Variants in PARD3B observed in about 807,000 individuals in gnomAD.
PARD3B encodes partitioning defective 3 homolog B.
PARD3B carries 103 observed loss-of-function variants against 130.2 expected under a neutral mutation model. The observed-to-expected ratio is 0.79, with a 90% CI of 0.67 to 0.93. PARD3B has a LOEUF of 0.93. Among genes scored for constraint, PARD3B ranks in the 40% least tolerant of loss-of-function variants. The pLI, the probability that PARD3B is intolerant of heterozygous loss-of-function variation, is 0.00. For missense variants in PARD3B, 1,609 were observed against 1,499.2 expected (o/e 1.07, Z -1.21); for synonymous variants, 583 against 553.2 (o/e 1.05, Z -0.76).
In PARD3B at chr2:205,152,871, G is replaced by A. The variant is rs145741728; in HGVS notation, c.1435-5851G>A. Among the ~76,000 whole-genome samples, 352 of 152,268 alleles carry A rather than the reference G, an allele frequency of 2.3e-3. 5 individuals carry two copies. Among genetic ancestry groups the A allele is most frequent in the African/African-American group, 8.2e-3 (340 of 41,550 alleles). On this transcript the variant is annotated intron_variant, in intron 10 of 22. Transcript: ENST00000406610. The stretch of plus-strand genomic sequence containing the variant: ...TTAGAATTTTCAGCTTTTCTGCTCT[G>A]TTTTTTCCCCATCTTTGTGGTTTTA...
At chr2:205,108,886 T>C (rs1703426155) in intron 5 of PARD3B, among the ~76,000 whole-genome samples, 1 of 152,222 alleles carries the variant, frequency 6.6e-6, no homozygotes, top group African/African-American at 2.4e-5. Flanking sequence ...GGATGTGATA[T>C]AAATGTTTAC....
intron 2 of PARD3B, among the ~76,000 whole-genome samples, chr2:204,885,948 G>A (rs2046257087): frequency 6.6e-6 from 1 of 152,118 alleles, no homozygotes; most frequent in South Asian, 2.1e-4. Context: ...GTCACCACAA[G>A]GTGGGCCACT....
Position 204,674,028 on chromosome 2 carries a change from G to A in PARD3B, c.121-12153G>A, listed in dbSNP as rs1022803057. On this transcript the variant is annotated intron_variant, in intron 1 of 22. Transcript: ENST00000406610. Reference sequence around the variant, plus strand: ...GCTTTCTCTGTTATACCCTGAGCCCGTCCCCCTACTTTCTTACTCCTTTCT... The same window carrying A: ...GCTTTCTCTGTTATACCCTGAGCCCATCCCCCTACTTTCTTACTCCTTTCT... Among the ~76,000 whole-genome samples, 4 of 152,126 alleles carry A rather than the reference G, an allele frequency of 2.6e-5. No homozygotes were observed. The South Asian group carries it at 6.2e-4, about 24-fold the overall frequency.
At chr2:205,430,046 A>T (rs2047276524) in intron 19 of PARD3B, among the ~76,000 whole-genome samples, 1 of 152,218 alleles carries the variant, frequency 6.6e-6, no homozygotes, top group Non-Finnish European at 1.5e-5. Flanking sequence ...CTATATGGAT[A>T]ATCCAAGATA....
intron 4 of PARD3B, among the ~76,000 whole-genome samples, chr2:205,055,124 A>G (rs938869013): frequency 8.5e-5 from 13 of 152,222 alleles, no homozygotes; most frequent in African/African-American, 3.1e-4. Context: ...TCACAAATAT[A>G]TGACTAGATG....
At chr2:205,245,936 A>G in intron 16 of PARD3B, 114 bp downstream of exon 16, 2 of 815,720 alleles carry the variant, frequency 2.5e-6, no homozygotes, top group South Asian at 1.7e-5. Flanking sequence ...TTTCTAATTA[A>G]TACATGAGAT....
intron 3 of PARD3B, among the ~76,000 whole-genome samples, chr2:205,023,076 CA>C (rs1696741411): frequency 6.6e-6 from 1 of 152,204 alleles, no homozygotes; most frequent in Non-Finnish European, 1.5e-5. Flanking sequence ...GATCATCCGA[CA>C]GCACTCCAGG....
intron 3 of PARD3B, among the ~76,000 whole-genome samples, chr2:204,970,008 C>T (rs942936651): frequency 1.3e-5 from 2 of 151,598 alleles, no homozygotes; most frequent in African/African-American, 2.4e-5. Context: ...TTTTTAATAA[C>T]GTGGATATTT....
chr2:204,686,298 A>T lies in PARD3B; in HGVS notation c.222+16A>T. 2 of 1,564,246 alleles carry T rather than the reference A, an allele frequency of 1.3e-6. No homozygotes were observed. The highest frequency in any genetic ancestry group is 3.3e-5 in the Admixed American group (2 of 59,838). ...TAAAGACAAGGTAGATAACTCTAAA[A>T]ATGTGCCTCTTTGTTTTCCTCTACA... is the stretch of plus-strand genomic sequence containing the variant. On this transcript the variant is annotated intron_variant, in intron 2 of 22. Coordinates refer to ENST00000406610, the MANE Select transcript of PARD3B (RefSeq NM_001302769.2).
At chr2:204,856,420 C>T (rs2044941092) in intron 2 of PARD3B, among the ~76,000 whole-genome samples, 1 of 152,182 alleles carries the variant, frequency 6.6e-6, no homozygotes, top group Admixed American at 6.5e-5. Flanking sequence ...TGGGAGTTCC[C>T]TATATATTTT....
At chr2:204,648,254 A>T (rs924944011) in intron 1 of PARD3B, among the ~76,000 whole-genome samples, 4 of 151,462 alleles carry the variant, frequency 2.6e-5, no homozygotes, top group African/African-American at 7.3e-5. Flanking sequence ...ATATTTTAAA[A>T]ATAAAACTTA....
intron 2 of PARD3B, among the ~76,000 whole-genome samples, chr2:204,784,496 A>G (rs932559161): frequency 6.6e-6 from 1 of 152,186 alleles, no homozygotes; most frequent in Non-Finnish European, 1.5e-5. Context: ...TACTTGCCCA[A>G]TGTGGGGACA....
At position 205,160,352 on chromosome 2, in the gene PARD3B, C is replaced by A. The variant is rs1272037537; in HGVS notation, c.1620+1445C>A. Among the ~76,000 whole-genome samples the A allele has an allele frequency of 6.6e-6, 1 of 152,202 alleles. No individual in the cohort carries two copies. Among genetic ancestry groups the A allele is most frequent in the Non-Finnish European group, 1.5e-5 (1 of 68,046 alleles). On this transcript the variant is annotated intron_variant, in intron 11 of 22. Coordinates refer to ENST00000406610, the MANE Select transcript of PARD3B (RefSeq NM_001302769.2). This position sits in a 1 kb window ranked among gnomAD's most constrained non-coding sequence, Gnocchi z 4.0. ...AGATCTGAGTGTGCTGCACTTCTTT[C>A]TCCTGCTCCTTGGATCAGCAGGCTA...
chr2:204,680,525 TG>T (rs1169692950), intron 1 of PARD3B, among the ~76,000 whole-genome samples: 12 of 152,184 alleles, frequency 7.9e-5, no homozygotes, highest in South Asian at 2.1e-4. Context: ...TTTTATTTGT[TG>T]TTTTTTTATT....
chr2:205,219,725 G>C (rs568174764), intron 15 of PARD3B, among the ~76,000 whole-genome samples: 2 of 152,314 alleles, frequency 1.3e-5, no homozygotes, highest in South Asian at 4.1e-4. Flanking sequence ...GTTCTGGGTA[G>C]CTTGAGTTAC....
intron 18 of PARD3B, among the ~76,000 whole-genome samples, chr2:205,339,433 A>G (rs559653096): frequency 6.6e-6 from 1 of 152,322 alleles, no homozygotes; most frequent in South Asian, 2.1e-4. Flanking sequence ...GTTTACTTCT[A>G]TGCTACTAAA....
At chr2:204,546,253 A>G (rs907686829) in intron 1 of PARD3B, 134 bp downstream of exon 1, 4 of 1,279,112 alleles carry the variant, frequency 3.1e-6, no homozygotes, top group South Asian at 2.8e-5. Flanking sequence ...GCTGTTGTCT[A>G]TTGCTAATAT....
chr2:204,748,930 A>G (rs537029761), intron 2 of PARD3B, among the ~76,000 whole-genome samples: 2 of 152,228 alleles, frequency 1.3e-5, no homozygotes, highest in South Asian at 4.2e-4. Flanking sequence ...GTTTGTTGAG[A>G]TGGAGAATTT....
rs760209589 is a variant in PARD3B at position 205,183,931 on chromosome 2, G to T, written c.1925-1833G>T. Among the ~76,000 whole-genome samples, 1 of 152,138 alleles carries T rather than the reference G, an allele frequency of 6.6e-6. No homozygotes were observed. Among genetic ancestry groups the T allele is most frequent in the Admixed American group, 6.5e-5 (1 of 15,268 alleles). The stretch of plus-strand genomic sequence containing the variant: ...CAGAAAAGCTGGTGGCGTGGTTTCA[G>T]TCTGAAGACAAACGGGCTTGAGACT... On this transcript the variant is annotated intron_variant, in intron 13 of 22. Transcript: ENST00000406610. The surrounding 1 kb of genome is among the most constrained non-coding windows in gnomAD (Gnocchi z 5.2).
Sources: gnomAD v4.1 joint callset for allele counts (sites outside exome capture counted in the v4.1 genomes callset) on GRCh38, gnomAD v4.1.1 for gene constraint, Gnocchi (gnomAD v3.1) non-coding constraint, MANE v1.5 for transcripts, NCBI Gene and HGNC (gene_info 2026-07-23, HGNC 2026-07-21) for gene names.